The following KCNQ3 variants were observed in gnomAD, a reference collection of about 807,000 sequenced individuals.
The protein encoded by KCNQ3 is potassium voltage-gated channel subfamily Q member 3.
KCNQ3 carries 30 observed loss-of-function variants against 92.5 expected under a neutral mutation model. The observed-to-expected ratio is 0.32, with a 90% CI of 0.24 to 0.44. The LOEUF is 0.44. Ranked by LOEUF, KCNQ3 falls within the 20% of genes least tolerant of loss-of-function variation. The pLI, the probability that KCNQ3 is intolerant of heterozygous loss-of-function variation, is 1.00. For missense variants in KCNQ3, 913 were observed against 1,140.3 expected, an observed-to-expected ratio of 0.80 and a Z score of 2.87; for synonymous variants, 450 against 468.8, an observed-to-expected ratio of 0.96 and a Z score of 0.52.
intron 1 of KCNQ3, among the ~76,000 whole-genome samples, chr8:132,315,461 C>A (rs1431001062): frequency 3.3e-5 from 5 of 152,082 alleles, no homozygotes; most frequent in African/African-American, 4.8e-5. Flanking sequence ...GGTCACGTAG[C>A]TGAAGGAGCT....
At chr8:132,330,680 T>G (rs1818203075) in intron 1 of KCNQ3, among the ~76,000 whole-genome samples, 1 of 152,192 alleles carries the variant, frequency 6.6e-6, no homozygotes. Context: ...GGGAAGTAAG[T>G]GAGAGTTCCC....
At chr8:132,340,239 G>C (rs1818487756) in intron 1 of KCNQ3, among the ~76,000 whole-genome samples, 1 of 152,162 alleles carries the variant, frequency 6.6e-6, no homozygotes. Flanking sequence ...AATACTATTT[G>C]ACCCAGCCAT....
At chr8:132,249,766 G>C (rs553121999) in intron 1 of KCNQ3, among the ~76,000 whole-genome samples, 1 of 152,176 alleles carries the variant, frequency 6.6e-6, no homozygotes, top group Admixed American at 6.5e-5. Context: ...GGGGAGGCTC[G>C]GGCATGACGG....
Position 132,129,923 on chromosome 8 carries a change from T to G in KCNQ3, c.1958A>C (p.Gln653Pro), listed in dbSNP as rs554833870. Reference sequence around the variant, plus strand: ...CTTGGTTGGGTAATACTCCGTGACCTGCACCTGCAACCGTTCCATGTGTTG... The same window carrying G: ...CTTGGTTGGGTAATACTCCGTGACCGGCACCTGCAACCGTTCCATGTGTTG... The part of the protein sequence containing the change: ...HMQHMERLQV[Q>P]VTEYYPTKGT... The change falls in exon 15 of 15, where the codon CAG (glutamine) becomes CCG (proline). Residue 653 changes from glutamine to proline, a missense_variant. Around this residue, in one of 6 missense-constraint regions of KCNQ3, gnomAD observed 375 missense variants for 376.4 expected, o/e 1.00. Transcript: ENST00000388996. This position sits in a 1 kb window ranked among gnomAD's most constrained non-coding sequence, Gnocchi z 5.9. The G allele has an allele frequency of 6.2e-7, 1 of 1,614,104 alleles. No homozygotes were observed. The highest frequency in any genetic ancestry group is 1.3e-5 in the African/African-American group (1 of 74,938).
At chr8:132,312,694 T>A (rs574734549) in intron 1 of KCNQ3, among the ~76,000 whole-genome samples, 31 of 152,302 alleles carry the variant, frequency 2.0e-4, no homozygotes, top group Non-Finnish European at 4.4e-4. Context: ...GAGTGAGTTC[T>A]CACAAGATCT....
chr8:132,264,769 G>A (rs1336193057), intron 1 of KCNQ3, among the ~76,000 whole-genome samples: 2 of 152,174 alleles, frequency 1.3e-5, no homozygotes, highest in African/African-American at 4.8e-5. Flanking sequence ...CTGTGCTCAG[G>A]TTCTTCATCT....
At chr8:132,177,921 A>C (rs1194064743) in intron 4 of KCNQ3, among the ~76,000 whole-genome samples, 3 of 152,208 alleles carry the variant, frequency 2.0e-5, no homozygotes, top group Non-Finnish European at 4.4e-5. Context: ...ACAGCCTGTA[A>C]ATCTAAGTCT....
intron 1 of KCNQ3, among the ~76,000 whole-genome samples, chr8:132,317,115 C>T (rs577036605): frequency 6.6e-6 from 1 of 152,254 alleles, no homozygotes; most frequent in East Asian, 1.9e-4. Context: ...CATGCCCTAC[C>T]AAAGCAATTG....
intron 1 of KCNQ3, among the ~76,000 whole-genome samples, chr8:132,442,958 C>T (rs1462144979): frequency 6.6e-6 from 1 of 152,200 alleles, no homozygotes; most frequent in Non-Finnish European, 1.5e-5. Flanking sequence ...CTCAGACACC[C>T]TATCTCAGCC....
rs144276972 is a variant in KCNQ3, at chr8:132,433,250, C to T, written c.386+46897G>A. Among the ~76,000 whole-genome samples, 147 of 152,176 alleles carry T rather than the reference C, an allele frequency of 9.7e-4. 3 individuals are homozygous for T. Among genetic ancestry groups the T allele is most frequent in the Middle Eastern group, 3.4e-3 (1 of 294 alleles). On this transcript the variant is annotated intron_variant, in intron 1 of 14. Transcript: ENST00000388996. ...AACCCCACTCATCTGGATCATTAGC[C>T]CCTCCCAGTTCCTAATTCAATGAAA... is the stretch of plus-strand genomic sequence containing the variant.
At chr8:132,377,277 C>T (rs559804919) in intron 1 of KCNQ3, among the ~76,000 whole-genome samples, 1 of 152,340 alleles carries the variant, frequency 6.6e-6, no homozygotes, top group East Asian at 1.9e-4. Flanking sequence ...GTTCTCAGGC[C>T]TTCATAGCTG....
chr8:132,289,197 G>T (rs1816770065), intron 1 of KCNQ3, among the ~76,000 whole-genome samples: 1 of 152,138 alleles, frequency 6.6e-6, no homozygotes, highest in African/African-American at 2.4e-5. Flanking sequence ...CCTCAAAAAG[G>T]CTGGAGGGAT....
At position 132,419,609 on chromosome 8, in the gene KCNQ3, C is replaced by T. The variant is rs188261980; in HGVS notation, c.386+60538G>A. Among the ~76,000 whole-genome samples, 449 of 152,268 alleles carry T rather than the reference C, an allele frequency of 2.9e-3. 1 individual carries two copies. The highest frequency in any genetic ancestry group is 5.2e-3 in the Non-Finnish European group (352 of 68,028). On this transcript the variant is annotated intron_variant, in intron 1 of 14. Transcript: ENST00000388996. ...TCTCCACCACTGAAGCTGCCTGTGC[C>T]CTCAGAGAGTGCTCTCTGTAGATCA... is the stretch of plus-strand genomic sequence containing the variant.
chr8:132,159,453 C>T (rs983334014), intron 9 of KCNQ3, among the ~76,000 whole-genome samples: 2 of 152,150 alleles, frequency 1.3e-5, no homozygotes, highest in African/African-American at 2.4e-5. Flanking sequence ...ACAGTAGCGG[C>T]TTTTACTCTT....
At chr8:132,181,873 T>C (rs985720594) in intron 3 of KCNQ3, among the ~76,000 whole-genome samples, 1 of 151,520 alleles carries the variant, frequency 6.6e-6, no homozygotes, top group Non-Finnish European at 1.5e-5. Context: ...ATAACATGTC[T>C]CTACTAAAAA....
chr8:132,180,202 A>G lies in KCNQ3; in HGVS notation c.732T>C (p.Gly244=), dbSNP rs41272387. ...ILRMLRMDRR[G]GTWKLLGSAI... is the part of the protein sequence containing the mutation. ...CTGAGCCCAGAAGCTTCCAGGTGCC[A>G]CCTCTCCGGTCCATCCGCAGCATGC... Residue 244 remains glycine (G), a synonymous_variant, in exon 4 of 15, where the codon GGT becomes GGC. Coordinates refer to ENST00000388996, the MANE Select transcript of KCNQ3 (RefSeq NM_004519.4). 0.063 allele frequency: 102,216 copies of G among 1,614,002 alleles called. 3,673 individuals are homozygous for G. Among genetic ancestry groups the G allele is most frequent in the Non-Finnish European group, 0.072 (85,308 of 1,179,988 alleles).
chr8:132,141,876 A>G (rs1249340802), intron 9 of KCNQ3, among the ~76,000 whole-genome samples: 2 of 152,210 alleles, frequency 1.3e-5, no homozygotes, highest in East Asian at 3.9e-4. Context: ...TACATTTTTA[A>G]TTTACTAACT....
chr8:132,219,256 C>T (rs1297156130), intron 1 of KCNQ3, among the ~76,000 whole-genome samples: 2 of 152,126 alleles, frequency 1.3e-5, no homozygotes, highest in Non-Finnish European at 2.9e-5. Context: ...CTGGCAAGCT[C>T]CTGGGTGATG....
intron 1 of KCNQ3, among the ~76,000 whole-genome samples, chr8:132,340,773 C>A (rs1429396764): frequency 6.6e-6 from 1 of 152,126 alleles, no homozygotes; most frequent in Non-Finnish European, 1.5e-5. Context: ...TATCCCAGAA[C>A]TTAAAGTAAA....
Sources: allele counts gnomAD v4.1 joint callset (sites outside exome capture counted in the v4.1 genomes callset), GRCh38; gene constraint gnomAD v4.1.1; regional missense constraint gnomAD v4.1.1; non-coding constraint Gnocchi (gnomAD v3.1); transcripts MANE v1.5; gene names NCBI Gene and HGNC (gene_info 2026-07-23, HGNC 2026-07-21).